HCN1: variants seen among roughly 807,000 people sequenced by gnomAD.
HCN1 encodes potassium/sodium hyperpolarization-activated cyclic nucleotide-gated channel 1.
Under a neutral mutation model 78.9 loss-of-function variants are expected in HCN1, and 13 were observed. The ratio of observed to expected loss-of-function variants is 0.16; its 90% CI spans 0.11 to 0.26. The LOEUF (loss-of-function observed/expected upper bound fraction) is 0.26. Among genes scored for constraint, HCN1 ranks in the 10% least tolerant of loss-of-function variants. The probability of loss-of-function intolerance (pLI) is 1.00; values close to 1 mark genes in which losing one functional copy is unlikely to be tolerated. For synonymous variants in HCN1, 552 were observed against 455.5 expected (o/e 1.21, Z -2.70); for missense variants, 810 against 1,154.3 (o/e 0.70, Z 4.32).
intron 1 of HCN1, among the ~76,000 whole-genome samples, chr5:45,657,875 A>C (rs1273465535): frequency 6.6e-6 from 1 of 152,230 alleles, no homozygotes; most frequent in Non-Finnish European, 1.5e-5. Flanking sequence ...TTCTTCACAG[A>C]ATTGGAAAAA....
intron 3 of HCN1, among the ~76,000 whole-genome samples, chr5:45,414,902 T>C (rs1740091283): frequency 6.6e-6 from 1 of 152,036 alleles, no homozygotes; most frequent in Non-Finnish European, 1.5e-5. Flanking sequence ...TTAATAACTA[T>C]GCTTGTCTTT....
chr5:45,514,289 T>G (rs1163891098), intron 2 of HCN1, among the ~76,000 whole-genome samples: 1 of 152,102 alleles, frequency 6.6e-6, no homozygotes, highest in Admixed American at 6.6e-5. Context: ...TCAAACACAT[T>G]GCGCTGTCTT....
intron 3 of HCN1, among the ~76,000 whole-genome samples, chr5:45,400,222 T>G (rs1397166000): frequency 6.6e-6 from 1 of 152,088 alleles, no homozygotes; most frequent in Non-Finnish European, 1.5e-5. Flanking sequence ...TGGTATTGTT[T>G]ATTTCTTTTT....
intron 2 of HCN1, among the ~76,000 whole-genome samples, chr5:45,537,081 T>C (rs1742981053): frequency 6.6e-6 from 1 of 152,200 alleles, no homozygotes; most frequent in Non-Finnish European, 1.5e-5. Context: ...AATTTGTGGC[T>C]CTTTTTCCAG....
intron 4 of HCN1, among the ~76,000 whole-genome samples, chr5:45,392,526 C>T (rs1465032602): frequency 1.3e-5 from 2 of 151,820 alleles, no homozygotes. Context: ...CCTTCTTTTC[C>T]AAAAGGCCAC....
chr5:45,350,274 T>C (rs536783404), intron 5 of HCN1, among the ~76,000 whole-genome samples: 4 of 152,006 alleles, frequency 2.6e-5, no homozygotes, highest in East Asian at 1.9e-4. Flanking sequence ...AGACAAAAAC[T>C]ACATGATTAT....
chr5:45,339,365 G>A (rs1275748061), intron 5 of HCN1, among the ~76,000 whole-genome samples: 1 of 152,174 alleles, frequency 6.6e-6, no homozygotes, highest in Non-Finnish European at 1.5e-5. Context: ...ATGCTTACAG[G>A]AAAGTAGAAG....
intron 1 of HCN1, among the ~76,000 whole-genome samples, chr5:45,660,562 T>G: frequency 6.6e-6 from 1 of 151,980 alleles, no homozygotes; most frequent in Non-Finnish European, 1.5e-5. Context: ...GAAACCCATC[T>G]CATGTGCAGA....
At chr5:45,269,868 C>A (rs1744927818) in intron 6 of HCN1, among the ~76,000 whole-genome samples, 1 of 152,168 alleles carries the variant, frequency 6.6e-6, no homozygotes, top group Non-Finnish European at 1.5e-5. Flanking sequence ...TTCCAGGATA[C>A]CTGCTGTCTC....
chr5:45,563,674 C>T (rs1478318611), intron 2 of HCN1, among the ~76,000 whole-genome samples: 1 of 151,988 alleles, frequency 6.6e-6, no homozygotes, highest in Non-Finnish European at 1.5e-5. Flanking sequence ...CACTTCACAT[C>T]ATTGATAAAA....
rs538741403 is a variant in HCN1, at chr5:45,545,549, T to C, written c.850-83542A>G. 8.6e-3 allele frequency among the ~76,000 whole-genome samples: 1,303 copies of C among 152,140 alleles called. 22 individuals are homozygous for C. The highest frequency in any genetic ancestry group is 0.031 in the African/African-American group (1,270 of 41,526). On this transcript the variant is annotated intron_variant, in intron 2 of 7. Transcript: ENST00000303230. Reference sequence around the variant, plus strand: ...TGCCTATGTCCTGAATGGTATTGCCTAGGTTTTCTTCTAGGGTTTTTATGG... The same window carrying C: ...TGCCTATGTCCTGAATGGTATTGCCCAGGTTTTCTTCTAGGGTTTTTATGG...
chr5:45,353,364 A>G (rs1746950455), intron 4 of HCN1, 118 bp from the exon 5 acceptor site: 2 of 760,798 alleles, frequency 2.6e-6, no homozygotes, highest in Middle Eastern at 3.9e-4. Flanking sequence ...AAAAAAAGAA[A>G]TCCTTTAAGA....
At chr5:45,280,392 C>T (rs1356431195) in intron 6 of HCN1, among the ~76,000 whole-genome samples, 1 of 152,144 alleles carries the variant, frequency 6.6e-6, no homozygotes, top group Non-Finnish European at 1.5e-5. Flanking sequence ...TTAACTTCTC[C>T]ACTTGTGTTC....
intron 1 of HCN1, among the ~76,000 whole-genome samples, chr5:45,679,778 C>A (rs1048591747): frequency 9.2e-5 from 14 of 152,098 alleles, no homozygotes; most frequent in Non-Finnish European, 1.6e-4. Flanking sequence ...TCAAATGTCA[C>A]TAGCTTCTAA....
intron 2 of HCN1, among the ~76,000 whole-genome samples, chr5:45,555,241 G>A (rs1743447088): frequency 6.6e-6 from 1 of 151,596 alleles, no homozygotes; most frequent in South Asian, 2.1e-4. Context: ...ATTTCTATAT[G>A]CCAACAGTGA....
intron 5 of HCN1, among the ~76,000 whole-genome samples, chr5:45,326,459 T>G (rs1244365935): frequency 6.6e-6 from 1 of 151,628 alleles, no homozygotes; most frequent in Non-Finnish European, 1.5e-5. Flanking sequence ...ACAAAATGTT[T>G]CATCTTATGT....
At chr5:45,583,731 G>A (rs963204021) in intron 2 of HCN1, among the ~76,000 whole-genome samples, 14 of 152,026 alleles carry the variant, frequency 9.2e-5, no homozygotes, top group African/African-American at 3.1e-4. Context: ...TTGTGTCTTT[G>A]TTCTCGTTGG....
At chr5:45,654,365 T>C (rs1418286460) in intron 1 of HCN1, among the ~76,000 whole-genome samples, 1 of 152,132 alleles carries the variant, frequency 6.6e-6, no homozygotes. Flanking sequence ...GCTCCTGGTG[T>C]TTAAATTTAG....
intron 1 of HCN1, among the ~76,000 whole-genome samples, chr5:45,665,047 C>A (rs1263157938): frequency 6.6e-6 from 1 of 151,118 alleles, no homozygotes; most frequent in Non-Finnish European, 1.5e-5. Flanking sequence ...TGGAACCAAC[C>A]CAAATGTCCA....
Sources: gnomAD v4.1 joint callset for allele counts (sites outside exome capture counted in the v4.1 genomes callset) on GRCh38, gnomAD v4.1.1 for gene constraint, MANE v1.5 for transcripts, NCBI Gene and HGNC (gene_info 2026-07-23, HGNC 2026-07-21) for gene names.